DOK6: variants seen among roughly 807,000 people sequenced by gnomAD.
DOK6 encodes the protein docking protein 6.
A neutral mutation model predicts 44.0 loss-of-function variants in DOK6; 22 were observed. The observed-to-expected ratio is 0.50, with a 90% CI of 0.36 to 0.71. The LOEUF is 0.71. DOK6 is among the 30% of genes least tolerant of loss of function. The probability of loss-of-function intolerance (pLI) is 0.00; values close to 1 mark genes in which losing one functional copy is unlikely to be tolerated. For missense variants in DOK6, 340 were observed against 416.4 expected, an observed-to-expected ratio of 0.82 and a Z score of 1.60; for synonymous variants, 166 against 145.5, an observed-to-expected ratio of 1.14 and a Z score of -1.01.
chr18:69,743,758 T>C (rs1978881162), intron 6 of DOK6, among the ~76,000 whole-genome samples: 1 of 151,266 alleles, frequency 6.6e-6, no homozygotes, highest in African/African-American at 2.4e-5. Context: ...TCTTCTAACA[T>C]TGCAAGTAAT....
chr18:69,600,510 T>C (rs1213654052), intron 3 of DOK6, among the ~76,000 whole-genome samples: 2 of 152,196 alleles, frequency 1.3e-5, no homozygotes, highest in Non-Finnish European at 2.9e-5. Flanking sequence ...CAGAAGCCTG[T>C]TAAATGATAT....
chr18:69,466,405 G>A (rs556552357), intron 1 of DOK6, among the ~76,000 whole-genome samples: 1 of 151,816 alleles, frequency 6.6e-6, no homozygotes, highest in South Asian at 2.1e-4. Context: ...TTCATTATCC[G>A]TTCTTTCATC....
chr18:69,817,572 A>T (rs555245183), intron 7 of DOK6, among the ~76,000 whole-genome samples: 1 of 152,064 alleles, frequency 6.6e-6, no homozygotes, highest in Non-Finnish European at 1.5e-5. Flanking sequence ...GGAGAGAGAG[A>T]GGAGAGAGAG....
At chr18:69,680,048 T>A (rs548641886) in intron 4 of DOK6, among the ~76,000 whole-genome samples, 1 of 152,346 alleles carries the variant, frequency 6.6e-6, no homozygotes, top group Non-Finnish European at 1.5e-5. Flanking sequence ...ACCAGTGCTA[T>A]AAATGCTTTT....
In DOK6 at chr18:69,841,457, C is replaced by T. The variant is rs1160946063; in HGVS notation, c.*74C>T. On this transcript the variant is annotated 3_prime_UTR_variant, in exon 8 of 8. Coordinates refer to ENST00000382713, the MANE Select transcript of DOK6 (RefSeq NM_152721.6). ...TCTGTGGGGTCATTACCCTCTGCCT[C>T]CTGGAAGACCAATTGCAGTACAAAT... is the stretch of plus-strand genomic sequence containing the variant. The T allele has an allele frequency of 1.3e-6, 2 of 1,578,274 alleles. No homozygotes were observed. Among genetic ancestry groups the T allele is most frequent in the South Asian group, 1.1e-5 (1 of 87,556 alleles).
At chr18:69,579,327 T>C (rs1405596967) in intron 2 of DOK6, among the ~76,000 whole-genome samples, 2 of 152,222 alleles carry the variant, frequency 1.3e-5, no homozygotes, top group African/African-American at 4.8e-5. Context: ...CCTTTTCTAC[T>C]TTTTAGAATC....
chr18:69,670,751 T>C (rs1341829504), intron 3 of DOK6, among the ~76,000 whole-genome samples: 1 of 151,880 alleles, frequency 6.6e-6, no homozygotes, highest in Non-Finnish European at 1.5e-5. Context: ...CTCGTGATCC[T>C]CCCACCCCGG....
chr18:69,753,265 C>G (rs1979244368), intron 6 of DOK6, among the ~76,000 whole-genome samples: 2 of 152,118 alleles, frequency 1.3e-5, no homozygotes, highest in African/African-American at 4.8e-5. Flanking sequence ...ACCCTTGTTT[C>G]TATCTTTACA....
At chr18:69,531,434 T>C (rs1309378988) in intron 1 of DOK6, among the ~76,000 whole-genome samples, 1 of 151,624 alleles carries the variant, frequency 6.6e-6, no homozygotes, top group Non-Finnish European at 1.5e-5. Flanking sequence ...TGTCTAGTCT[T>C]TACGAAACAA....
In DOK6 at chr18:69,842,429, T is replaced by G. The variant is rs1258171354; in HGVS notation, c.*1046T>G. The G allele has an allele frequency of 6.6e-6, 1 of 152,206 alleles. No homozygotes were observed. Among genetic ancestry groups the G allele is most frequent in the Admixed American group, 6.5e-5 (1 of 15,286 alleles). 9.4% of individuals were successfully genotyped at this position (152,206 alleles called of 1,614,324 possible). On this transcript the variant is annotated 3_prime_UTR_variant, in exon 8 of 8. Transcript: ENST00000382713. ...AAAAGAGAGGTTCTAAATGAAGAAC[T>G]CTTTAAGAAAGAAAGAATACACCCA...
At chr18:69,685,845 T>C (rs1986141464) in intron 4 of DOK6, among the ~76,000 whole-genome samples, 1 of 152,218 alleles carries the variant, frequency 6.6e-6, no homozygotes, top group Non-Finnish European at 1.5e-5. Context: ...ACCTTTGCAT[T>C]CATTCCTTTT....
At chr18:69,502,758 T>A (rs2165717) in intron 1 of DOK6, among the ~76,000 whole-genome samples, 1 of 151,778 alleles carries the variant, frequency 6.6e-6, no homozygotes, top group Non-Finnish European at 1.5e-5. Context: ...TGTATATCAG[T>A]CAAACAGCAC....
At chr18:69,756,736 C>T (rs1264186722) in intron 6 of DOK6, among the ~76,000 whole-genome samples, 1 of 152,094 alleles carries the variant, frequency 6.6e-6, no homozygotes, top group East Asian at 1.9e-4. Flanking sequence ...GGACCAGGCA[C>T]GGGGTGTGCA....
chr18:69,552,233 G>C (rs1050736667), intron 1 of DOK6, among the ~76,000 whole-genome samples: 8 of 152,100 alleles, frequency 5.3e-5, no homozygotes, highest in Admixed American at 2.6e-4. Flanking sequence ...TCAGAGCTCA[G>C]AGTGTTTTGG....
chr18:69,456,763 A>G (rs1164227661), intron 1 of DOK6, among the ~76,000 whole-genome samples: 1 of 152,184 alleles, frequency 6.6e-6, no homozygotes, highest in Non-Finnish European at 1.5e-5. Context: ...TTTCTTTCCT[A>G]CGAAAAGTGT....
Position 69,708,235 on chromosome 18 carries a change from T to A in DOK6, c.599+9642T>A, listed in dbSNP as rs1986678574. ...GGTGACTCTGTGGAGGATATTTTAA[T>A]AATAATCCTTTAGGTTAATAATTTA... On this transcript the variant is annotated intron_variant, in intron 5 of 7. Coordinates refer to ENST00000382713, the MANE Select transcript of DOK6 (RefSeq NM_152721.6). Among the ~76,000 whole-genome samples the A allele has an allele frequency of 2.0e-5, 3 of 152,202 alleles. No individual in the cohort carries two copies. The South Asian group carries it at 6.2e-4, about 32-fold the overall frequency.
At chr18:69,587,284 T>G (rs1170104694) in intron 2 of DOK6, among the ~76,000 whole-genome samples, 1 of 152,140 alleles carries the variant, frequency 6.6e-6, no homozygotes, top group Admixed American at 6.5e-5. Flanking sequence ...GGGGTCTCCT[T>G]GCTTGCATTT....
intron 1 of DOK6, among the ~76,000 whole-genome samples, chr18:69,556,171 A>T (rs528747878): frequency 1.7e-3 from 263 of 152,292 alleles, no homozygotes; most frequent in African/African-American, 4.6e-3. Flanking sequence ...AAAAGCCAAG[A>T]TCCCTTCCTG....
At chr18:69,500,982 A>G (rs2144548309) in intron 1 of DOK6, among the ~76,000 whole-genome samples, 1 of 151,122 alleles carries the variant, frequency 6.6e-6, no homozygotes, top group Non-Finnish European at 1.5e-5. Flanking sequence ...GTGTTAGAGT[A>G]TGTTAATGTT....
Sources: gnomAD v4.1 joint callset for allele counts (sites outside exome capture counted in the v4.1 genomes callset) on GRCh38, gnomAD v4.1.1 for gene constraint, MANE v1.5 for transcripts, NCBI Gene and HGNC (gene_info 2026-07-23, HGNC 2026-07-21) for gene names.